The following POLR3B variants were observed in gnomAD, a reference collection of about 807,000 sequenced individuals.
The protein encoded by POLR3B is DNA-directed RNA polymerase III subunit RPC2.
Under a neutral mutation model 147.4 loss-of-function variants are expected in POLR3B, and 96 were observed. The ratio of observed to expected loss-of-function variants is 0.65; its 90% CI spans 0.55 to 0.77. The LOEUF (loss-of-function observed/expected upper bound fraction) is 0.77. POLR3B is among the 30% of genes least tolerant of loss of function. POLR3B has a pLI of 0.00. For missense variants in POLR3B, 1,036 were observed against 1,413.5 expected (o/e 0.73, Z 4.28); for synonymous variants, 461 against 485.9 (o/e 0.95, Z 0.67).
rs530768283 is a variant in POLR3B, at chr12:106,480,506, A to C, written c.2714-15549A>C. ...CAGGCAGGGGCAGGGACTGGAGCTT[A>C]CTCTTCAGTGCATAGACTTTAATTC... On this transcript the variant is annotated intron_variant, in intron 23 of 27. Transcript: ENST00000228347. Among the ~76,000 whole-genome samples, 4 of 152,078 alleles carry C rather than the reference A, an allele frequency of 2.6e-5. 1 individual carries two copies. The highest frequency in any genetic ancestry group is 9.6e-5 in the African/African-American group (4 of 41,500).
intron 9 of POLR3B, among the ~76,000 whole-genome samples, chr12:106,392,453 A>G (rs945764236): frequency 2.0e-5 from 3 of 152,186 alleles, no homozygotes; most frequent in Non-Finnish European, 2.9e-5. Context: ...GTGAACCACC[A>G]TGCCTGGCCC....
At chr12:106,496,010 T>G in intron 23 of POLR3B, 45 bp from the exon 24 acceptor site, 2 of 1,141,308 alleles carry the variant, frequency 1.8e-6, no homozygotes, top group Non-Finnish European at 2.7e-6. Context: ...TATTCTTCCT[T>G]TCTGCCAACT....
In POLR3B at chr12:106,366,713, G is replaced by T; in HGVS notation, c.218G>T (p.Trp73Leu). Residue 73 changes from tryptophan (W) to leucine (L), a missense_variant, in exon 4 of 28, where the codon TGG (tryptophan) becomes TTG (leucine). Trp to Leu is a moderately conservative substitution (Grantham distance 61). Transcript: ENST00000228347. The stretch of plus-strand genomic sequence containing the variant: ...GTTACAAGTGACGCTGACCCTATGT[G>T]GTACTTAAAGTAAGGAACCAACATT... ...EKVTSDADPMWYLKYLNIYVG... is the reference protein window; with the variant it reads ...EKVTSDADPMLYLKYLNIYVG... 3 of 1,611,248 alleles carry T rather than the reference G, an allele frequency of 1.9e-6. No homozygotes were observed. Among genetic ancestry groups the T allele is most frequent in the Non-Finnish European group, 2.5e-6 (3 of 1,177,550 alleles).
At chr12:106,401,188 A>G (rs549228131) in intron 10 of POLR3B, among the ~76,000 whole-genome samples, 29 of 152,374 alleles carry the variant, frequency 1.9e-4, no homozygotes, top group African/African-American at 6.0e-4. Context: ...AGAGAATACT[A>G]TAAACATGTC....
At chr12:106,493,530 A>G (rs1286103519) in intron 23 of POLR3B, among the ~76,000 whole-genome samples, 1 of 152,168 alleles carries the variant, frequency 6.6e-6, no homozygotes, top group Non-Finnish European at 1.5e-5. Context: ...CTGTCTAAAT[A>G]TTTTGTTTTA....
chr12:106,457,096 G>T, intron 20 of POLR3B, 42 bp from the exon 21 acceptor site: 1 of 1,555,088 alleles, frequency 6.4e-7, no homozygotes, highest in Non-Finnish European at 8.9e-7. Flanking sequence ...TTATAGCTTT[G>T]GGTTACTGGT....
intron 22 of POLR3B, among the ~76,000 whole-genome samples, chr12:106,462,900 C>A (rs1592755274): frequency 6.6e-6 from 1 of 152,092 alleles, no homozygotes; most frequent in African/African-American, 2.4e-5. Context: ...TGACTATCTC[C>A]TTTGAGCCTC....
chr12:106,439,963 G>A (rs1249309000), intron 18 of POLR3B, among the ~76,000 whole-genome samples: 1 of 152,164 alleles, frequency 6.6e-6, no homozygotes, highest in African/African-American at 2.4e-5. Flanking sequence ...GGAGGCTGAG[G>A]TGGAAGGATC....
intron 9 of POLR3B, among the ~76,000 whole-genome samples, chr12:106,384,755 A>G (rs912739642): frequency 1.3e-5 from 2 of 152,046 alleles, no homozygotes; most frequent in Non-Finnish European, 2.9e-5. Flanking sequence ...GATAAGCTTG[A>G]TAAGCTTTGT....
chr12:106,439,770 CT>C (rs1391538830), intron 18 of POLR3B, among the ~76,000 whole-genome samples: 1 of 151,868 alleles, frequency 6.6e-6, no homozygotes, highest in Non-Finnish European at 1.5e-5. Flanking sequence ...TCAAAATTGA[CT>C]GAGGGCCAGG....
chr12:106,420,845 C>G (rs2037364875), intron 12 of POLR3B, among the ~76,000 whole-genome samples: 1 of 152,162 alleles, frequency 6.6e-6, no homozygotes, highest in Non-Finnish European at 1.5e-5. Context: ...TACTCAACAA[C>G]TAGACTATTA....
intron 19 of POLR3B, 82 bp from the exon 20 acceptor site, chr12:106,454,420 T>C: frequency 1.3e-6 from 1 of 743,864 alleles, no homozygotes; most frequent in Non-Finnish European, 2.4e-6. Flanking sequence ...GTGATGTTAA[T>C]GTATTTATCT....
intron 23 of POLR3B, among the ~76,000 whole-genome samples, chr12:106,476,986 C>G (rs2038180984): frequency 6.6e-6 from 1 of 150,508 alleles, no homozygotes; most frequent in Non-Finnish European, 1.5e-5. Context: ...GTTTTTTCCC[C>G]ATCTTTGTGG....
intron 12 of POLR3B, among the ~76,000 whole-genome samples, chr12:106,418,822 A>G (rs2037338361): frequency 6.6e-6 from 1 of 152,198 alleles, no homozygotes; most frequent in Non-Finnish European, 1.5e-5. Flanking sequence ...GAACTTGGAC[A>G]GCATTTTTTC....
chr12:106,503,661 T>G (rs1402149208), intron 26 of POLR3B, among the ~76,000 whole-genome samples: 1 of 152,220 alleles, frequency 6.6e-6, no homozygotes, highest in East Asian at 1.9e-4. Flanking sequence ...TTCTGCTTAG[T>G]TTTTCTGCTT....
chr12:106,394,274 GT>G lies in POLR3B; in HGVS notation c.846+1123del, dbSNP rs2036953442. Reference sequence around the variant, plus strand: ...TACAGTTAATTAATAGTTGACTGCAGTTACAGGGCAGGCAGCACCAGGAAGG... The same window carrying G: ...TACAGTTAATTAATAGTTGACTGCAGTACAGGGCAGGCAGCACCAGGAAGG... On this transcript the variant is annotated intron_variant, in intron 10 of 27. Coordinates refer to ENST00000228347, the MANE Select transcript of POLR3B (RefSeq NM_018082.6). 3.9e-5 allele frequency among the ~76,000 whole-genome samples: 6 copies of G among 152,278 alleles called. No individual in the cohort carries two copies. The South Asian group carries it at 1.2e-3, about 32-fold the overall frequency.
chr12:106,400,047 TAAAG>T (rs1314329977), intron 10 of POLR3B, among the ~76,000 whole-genome samples: 1 of 152,112 alleles, frequency 6.6e-6, no homozygotes, highest in Non-Finnish European at 1.5e-5. Context: ...GCAAATTGGA[TAAAG>T]AGTCAAGACC....
intron 23 of POLR3B, 82 bp downstream of exon 23, chr12:106,463,702 T>TA: frequency 5.0e-6 from 6 of 1,191,588 alleles, no homozygotes; most frequent in Non-Finnish European, 7.4e-6. Context: ...TTCCCCCATT[T>TA]AAAAAATTTA....
chr12:106,379,903 T>C (rs1217070781), intron 8 of POLR3B, 128 bp from the exon 9 acceptor site: 1 of 693,268 alleles, frequency 1.4e-6, no homozygotes, highest in Non-Finnish European at 2.6e-6. Context: ...AAAGTACTTA[T>C]TAGAAAGGAC....
Sources: gnomAD v4.1 joint callset for allele counts (sites outside exome capture counted in the v4.1 genomes callset) on GRCh38, gnomAD v4.1.1 for gene constraint, MANE v1.5 for transcripts, NCBI Gene and HGNC (gene_info 2026-07-23, HGNC 2026-07-21) for gene names.